The following CFAP44 variants were observed in gnomAD, a reference collection of about 807,000 sequenced individuals.
The protein encoded by CFAP44 is cilia- and flagella-associated protein 44.
CFAP44 carries 134 observed loss-of-function variants against 216.2 expected under a neutral mutation model. The ratio of observed to expected loss-of-function variants is 0.62; its 90% CI spans 0.54 to 0.72. CFAP44 has a LOEUF of 0.72. CFAP44 is among the 30% of genes least tolerant of loss of function. CFAP44 has a pLI of 0.00. For missense variants in CFAP44, 2,035 were observed against 2,182.1 expected (o/e 0.93, Z 1.34); for synonymous variants, 700 against 727.6 (o/e 0.96, Z 0.61).
chr3:113,291,857 CA>C, intron 34 of CFAP44, 109 bp from the exon 35 acceptor site: 1 of 1,200,002 alleles, frequency 8.3e-7, no homozygotes, highest in South Asian at 1.7e-5. Flanking sequence ...TCACCCTAAA[CA>C]GCCACTGTTC....
chr3:113,337,260 G>C (rs1159340168), intron 24 of CFAP44, among the ~76,000 whole-genome samples: 1 of 151,716 alleles, frequency 6.6e-6, no homozygotes, highest in African/African-American at 2.4e-5. Context: ...AACATGTATA[G>C]AACTTTTTAT....
chr3:113,326,426 G>T lies in CFAP44; in HGVS notation c.4516+19C>A. The T allele has an allele frequency of 1.4e-6, 2 of 1,476,770 alleles. No homozygotes were observed. Among genetic ancestry groups the T allele is most frequent in the Non-Finnish European group, 1.8e-6 (2 of 1,122,786 alleles). 91.5% of individuals were successfully genotyped at this position (1,476,770 alleles called of 1,614,324 possible). ...TTAATGAGAGAAAATAAGATCATAT[G>T]CAAGAAAGAAATACAAACCAGCATC... On this transcript the variant is annotated intron_variant, in intron 28 of 34. Transcript: ENST00000393845.
intron 24 of CFAP44, among the ~76,000 whole-genome samples, chr3:113,337,594 G>C (rs1273524448): frequency 1.3e-5 from 2 of 152,010 alleles, no homozygotes; most frequent in African/African-American, 2.4e-5. Context: ...GTTGGTAAGA[G>C]GATAGATATG....
rs1006738984 is a variant in CFAP44 at position 113,341,915 on chromosome 3, C to A, written c.3266G>T (p.Gly1089Val). ...GRKDSQRDAG[G>V]SVTIQEESII... Reference sequence around the variant, plus strand: ...TGATTCTTCTTGTATGGTAACACTCCCACCTACATAGAGAATCAACATTTT... The same window carrying A: ...TGATTCTTCTTGTATGGTAACACTCACACCTACATAGAGAATCAACATTTT... The change falls in exon 24 of 35, where the codon GGG becomes GTG. Residue 1089 changes from glycine (G) to valine (V), a missense_variant. Gly to Val is a moderately radical substitution (Grantham distance 109). This residue lies in a region of CFAP44 where 1,883 missense variants were observed against 2,023.7 expected (regional missense o/e 0.93). Transcript: ENST00000393845. 1.6e-5 allele frequency: 25 copies of A among 1,517,154 alleles called. No individual in the cohort carries two copies. The highest frequency in any genetic ancestry group is 2.2e-5 in the Non-Finnish European group (25 of 1,142,128). The allele number at this position is 1,517,154 out of a possible 1,614,324, so 94.0% of individuals were successfully genotyped here.
chr3:113,432,939 G>C (rs1354211719), intron 2 of CFAP44, among the ~76,000 whole-genome samples: 2 of 151,992 alleles, frequency 1.3e-5, no homozygotes, highest in East Asian at 1.9e-4. Context: ...CTTTCTTGGA[G>C]GTGAAAATTC....
intron 15 of CFAP44, among the ~76,000 whole-genome samples, chr3:113,382,973 G>C (rs1421842207): frequency 1.3e-5 from 2 of 152,230 alleles, no homozygotes; most frequent in Admixed American, 1.3e-4. Context: ...ACGATTTCAT[G>C]GATTATGTCC....
chr3:113,346,300 C>T (rs2107823636), intron 22 of CFAP44, among the ~76,000 whole-genome samples: 1 of 152,090 alleles, frequency 6.6e-6, no homozygotes, highest in East Asian at 1.9e-4. Flanking sequence ...TAAAAATGCA[C>T]CAATCAGCGC....
Position 113,396,598 on chromosome 3 carries a change from A to G in CFAP44, c.1699T>C (p.Leu567=), listed in dbSNP as rs1933996702. ...GTATGGGGTTTGAAAACCTGTTTCA[A>G]CTGAATATCAGCATCCAAAATTTTC... ...RKKILDADIQ[L]KQVFKPHTAC... is the part of the protein sequence containing the mutation. Residue 567 remains leucine, a synonymous_variant, in exon 14 of 35, where the codon TTG becomes CTG. Transcript: ENST00000393845. 2 of 1,614,160 alleles carry G rather than the reference A, an allele frequency of 1.2e-6. No individual in the cohort carries two copies. The highest frequency in any genetic ancestry group is 2.2e-5 in the East Asian group (1 of 44,870).
At chr3:113,418,843 T>G (rs1934726779) in intron 5 of CFAP44, among the ~76,000 whole-genome samples, 1 of 152,038 alleles carries the variant, frequency 6.6e-6, no homozygotes. Context: ...TAGCCGGGAT[T>G]ACAGGCGCGT....
chr3:113,431,002 CTT>C (rs920259380), intron 2 of CFAP44, among the ~76,000 whole-genome samples: 7 of 152,070 alleles, frequency 4.6e-5, no homozygotes, highest in African/African-American at 1.7e-4. Context: ...GCAGAAACCT[CTT>C]GTTAAGTATG....
At chr3:113,337,228 T>C (rs573745547) in intron 24 of CFAP44, among the ~76,000 whole-genome samples, 9 of 151,856 alleles carry the variant, frequency 5.9e-5, no homozygotes, top group South Asian at 2.1e-4. Context: ...AAAAAAGAAA[T>C]GCATATGTGC....
At chr3:113,343,503 G>A (rs12489411) in intron 23 of CFAP44, among the ~76,000 whole-genome samples, 22,855 of 152,120 alleles carry the variant, frequency 0.15, 2,128 homozygotes, top group Admixed American at 0.28. Context: ...AATATATAGC[G>A]GTATAGAGAA....
intron 25 of CFAP44, among the ~76,000 whole-genome samples, chr3:113,331,680 C>T (rs1387863196): frequency 6.6e-6 from 1 of 152,146 alleles, no homozygotes; most frequent in Admixed American, 6.5e-5. Flanking sequence ...CAAGAACAAA[C>T]CCATATCACT....
intron 15 of CFAP44, among the ~76,000 whole-genome samples, chr3:113,394,239 C>T (rs1044918282): frequency 1.3e-5 from 2 of 152,096 alleles, no homozygotes; most frequent in East Asian, 3.9e-4. Context: ...AGCATCATGA[C>T]AATTAAGACA....
chr3:113,311,794 C>T (rs1950041147), intron 28 of CFAP44, among the ~76,000 whole-genome samples: 2 of 152,064 alleles, frequency 1.3e-5, no homozygotes, highest in Non-Finnish European at 2.9e-5. Context: ...TGACTTTGAC[C>T]AAAAGTCTGA....
intron 28 of CFAP44, among the ~76,000 whole-genome samples, chr3:113,325,300 CAAAA>C (rs541100248): frequency 2.8e-5 from 2 of 70,980 alleles, no homozygotes; most frequent in South Asian, 4.9e-4. Flanking sequence ...GACTCCGTCT[CAAAA>C]AAAAAAAAAA....
rs769875510 is a variant in CFAP44 at position 113,379,470 on chromosome 3, C to T, written c.2134G>A (p.Ala712Thr). The change falls in exon 17 of 35, where the codon GCA (alanine) becomes ACA (threonine). Residue 712 changes from alanine to threonine, a missense_variant. Around this residue, in one of 3 missense-constraint regions of CFAP44, gnomAD observed 1,883 missense variants for 2,023.7 expected, o/e 0.93. Transcript: ENST00000393845. ...TTTTCTCCATCTTCTCCCATCTCTG[C>T]TGCTAGCTTGTTCCTCCTTTCTTCC... ...IREERRNKLA[A>T]EMGEDGEKEF... 1 of 1,610,682 alleles carries T rather than the reference C, an allele frequency of 6.2e-7. No individual in the cohort carries two copies. The highest frequency in any genetic ancestry group is 1.1e-5 in the South Asian group (1 of 90,968).
chr3:113,423,488 G>A (rs1348313254), intron 4 of CFAP44, among the ~76,000 whole-genome samples: 1 of 152,032 alleles, frequency 6.6e-6, no homozygotes, highest in East Asian at 1.9e-4. Flanking sequence ...CCTTAGTAGA[G>A]TTCTGAAAAT....
chr3:113,330,938 G>A (rs1950236415), intron 25 of CFAP44, among the ~76,000 whole-genome samples: 6 of 152,034 alleles, frequency 3.9e-5, no homozygotes, highest in Admixed American at 3.9e-4. Flanking sequence ...GGCTCGTGTG[G>A]CTGAGTTCCC....
Sources: gnomAD v4.1 joint callset for allele counts (sites outside exome capture counted in the v4.1 genomes callset) on GRCh38, gnomAD v4.1.1 for gene constraint, gnomAD v4.1.1 regional missense constraint, MANE v1.5 for transcripts, NCBI Gene and HGNC (gene_info 2026-07-23, HGNC 2026-07-21) for gene names.